RYR2: variants seen among roughly 807,000 people sequenced by gnomAD.
The protein encoded by RYR2 is cardiac muscle ryanodine receptor-calcium release channel.
Under a neutral mutation model 601.1 loss-of-function variants are expected in RYR2, and 227 were observed. The observed-to-expected ratio is 0.38, with a 90% CI of 0.34 to 0.42. The LOEUF (loss-of-function observed/expected upper bound fraction) is 0.42. Among genes scored for constraint, RYR2 ranks in the 10% least tolerant of loss-of-function variants. RYR2 has a pLI of 1.00. For missense variants in RYR2, 4,646 were observed against 6,156.5 expected, an observed-to-expected ratio of 0.75 and a Z score of 8.21; for synonymous variants, 2,223 against 2,175.1, an observed-to-expected ratio of 1.02 and a Z score of -0.61.
At chr1:237,295,363 C>T (rs1692651123) in intron 2 of RYR2, among the ~76,000 whole-genome samples, 3 of 151,880 alleles carry the variant, frequency 2.0e-5, no homozygotes. Context: ...AAAATCTGAT[C>T]TAGATTGGTA....
At chr1:237,284,296 G>T (rs995471630) in intron 2 of RYR2, among the ~76,000 whole-genome samples, 1 of 108,692 alleles carries the variant, frequency 9.2e-6, no homozygotes, top group African/African-American at 5.3e-5. Flanking sequence ...AATGAGAATT[G>T]CTTGAACTGG....
chr1:237,434,088 C>T (rs1707112069), intron 12 of RYR2, among the ~76,000 whole-genome samples: 2 of 152,118 alleles, frequency 1.3e-5, no homozygotes, highest in Admixed American at 6.6e-5. Context: ...CTTGTGAACC[C>T]TTGCATTTAC....
At chr1:237,444,811 CAAAAG>C (rs368977474) in intron 13 of RYR2, among the ~76,000 whole-genome samples, 3 of 152,240 alleles carry the variant, frequency 2.0e-5, no homozygotes, top group Non-Finnish European at 2.9e-5. Flanking sequence ...AAAAAACTAT[CAAAAG>C]AAAAGAAATA....
intron 1 of RYR2, among the ~76,000 whole-genome samples, chr1:237,056,232 A>C (rs531258624): frequency 1.2e-3 from 183 of 147,630 alleles, no homozygotes; most frequent in African/African-American, 4.6e-3. Flanking sequence ...GGACTGGAGC[A>C]CTGCACCTGT....
At chr1:237,631,377 AT>A (rs768068641) in intron 41 of RYR2, 49 bp from the exon 42 acceptor site, 2 of 1,139,378 alleles carry the variant, frequency 1.8e-6, no homozygotes, top group East Asian at 2.5e-5. Flanking sequence ...TTGGTTAACT[AT>A]TTAGATGTTG....
At chr1:237,628,161 A>C in intron 41 of RYR2, 81 bp downstream of exon 41, 3 of 1,410,520 alleles carry the variant, frequency 2.1e-6, no homozygotes, top group Non-Finnish European at 2.9e-6. Flanking sequence ...CATTAACTAC[A>C]TTGATAAAAA....
At position 237,617,273 on chromosome 1, in the gene RYR2, A is replaced by C; in HGVS notation, c.5716-13A>C. ...TAGAAATTAAATTTGGTGTCTTTTT[A>C]ATGGTCTCTTAGATGTGCCTACTGC... On this transcript the variant is annotated splice_polypyrimidine_tract_variant and intron_variant, in intron 37 of 104. Coordinates refer to ENST00000366574, the MANE Select transcript of RYR2 (RefSeq NM_001035.3). The C allele has an allele frequency of 6.3e-7, 1 of 1,594,970 alleles. No individual in the cohort carries two copies. Among genetic ancestry groups the C allele is most frequent in the East Asian group, 2.2e-5 (1 of 44,502 alleles).
chr1:237,719,309 G>T (rs971802763), intron 73 of RYR2, among the ~76,000 whole-genome samples: 1 of 152,112 alleles, frequency 6.6e-6, no homozygotes, highest in African/African-American at 2.4e-5. Context: ...ATATTTTTAA[G>T]AGTCGTTAGT....
intron 2 of RYR2, among the ~76,000 whole-genome samples, chr1:237,284,866 G>T (rs968124724): frequency 3.3e-5 from 5 of 151,948 alleles, no homozygotes; most frequent in Admixed American, 6.6e-5. Flanking sequence ...ACTGATTTGT[G>T]TACATTGATC....
chr1:237,479,777 A>C (rs986968980), intron 17 of RYR2, among the ~76,000 whole-genome samples: 2 of 152,194 alleles, frequency 1.3e-5, no homozygotes, highest in Non-Finnish European at 2.9e-5. Flanking sequence ...TCTCAAGTGA[A>C]TTTAGGGCAC....
intron 1 of RYR2, among the ~76,000 whole-genome samples, chr1:237,179,126 G>C (rs946003939): frequency 6.6e-6 from 1 of 152,102 alleles, no homozygotes; most frequent in Non-Finnish European, 1.5e-5. Context: ...TCTTCTTTAG[G>C]AATGCCTTGA....
At chr1:237,544,097 TTTTTA>T (rs1428585708) in intron 25 of RYR2, among the ~76,000 whole-genome samples, 7 of 152,200 alleles carry the variant, frequency 4.6e-5, no homozygotes, top group Non-Finnish European at 1.0e-4. Flanking sequence ...GTTTTATTCT[TTTTTA>T]TTTTATTTTA....
intron 29 of RYR2, among the ~76,000 whole-genome samples, chr1:237,585,310 A>G (rs180735003): frequency 6.6e-6 from 1 of 152,296 alleles, no homozygotes; most frequent in East Asian, 1.9e-4. Context: ...TGGTTTCCTC[A>G]TGTGGAAAAT....
intron 1 of RYR2, among the ~76,000 whole-genome samples, chr1:237,093,889 C>A (rs572522029): frequency 4.0e-4 from 61 of 152,314 alleles, no homozygotes; most frequent in African/African-American, 1.3e-3. Context: ...GCTGACTGAA[C>A]GTGGCAAACC....
intron 2 of RYR2, among the ~76,000 whole-genome samples, chr1:237,298,699 AT>A (rs900642071): frequency 9.9e-5 from 15 of 152,172 alleles, no homozygotes; most frequent in African/African-American, 2.6e-4. Flanking sequence ...AGAAAAATAT[AT>A]TTTTTTAAAG....
chr1:237,478,304 G>T (rs1375623640), intron 17 of RYR2, among the ~76,000 whole-genome samples: 1 of 152,212 alleles, frequency 6.6e-6, no homozygotes, highest in Non-Finnish European at 1.5e-5. Flanking sequence ...TATAATAGCT[G>T]TATGACCTTG....
chr1:237,578,575 T>C (rs1297922305), intron 29 of RYR2, among the ~76,000 whole-genome samples: 2 of 152,236 alleles, frequency 1.3e-5, no homozygotes, highest in African/African-American at 4.8e-5. Flanking sequence ...AGAATTTCTT[T>C]CAAAAGATTT....
chr1:237,540,523 A>G (rs527832876), intron 25 of RYR2, among the ~76,000 whole-genome samples: 16 of 152,150 alleles, frequency 1.1e-4, no homozygotes, highest in Admixed American at 2.6e-4. Context: ...CCTGGCCAAC[A>G]TGGTGAAACT....
intron 10 of RYR2, among the ~76,000 whole-genome samples, chr1:237,402,897 T>C (rs1386102537): frequency 6.4e-4 from 7 of 11,006 alleles, no homozygotes; most frequent in South Asian, 8.9e-3. Flanking sequence ...TCCCCCTGCT[T>C]CAGCCTCCTG....
Sources: gnomAD v4.1 joint callset for allele counts (sites outside exome capture counted in the v4.1 genomes callset) on GRCh38, gnomAD v4.1.1 for gene constraint, MANE v1.5 for transcripts, NCBI Gene and HGNC (gene_info 2026-07-23, HGNC 2026-07-21) for gene names.